VCAN: variants seen among roughly 807,000 people sequenced by gnomAD.
VCAN encodes versican core protein.
In VCAN, 44 loss-of-function variants were observed where a neutral mutation model predicts 245.5. The ratio of observed to expected loss-of-function variants is 0.18; its 90% confidence interval spans 0.14 to 0.23. The LOEUF (loss-of-function observed/expected upper bound fraction) is 0.23, where lower values mean the gene tolerates loss of function less well. Among genes scored for constraint, VCAN ranks in the 10% least tolerant of loss-of-function variants. VCAN has a pLI of 1.00. For missense variants in VCAN, 3,793 were observed against 4,057.9 expected, an observed-to-expected ratio of 0.93 and a Z score of 1.77; for synonymous variants, 1,413 against 1,437.0, an observed-to-expected ratio of 0.98 and a Z score of 0.38.
intron 7 of VCAN, among the ~76,000 whole-genome samples, chr5:83,525,506 G>T (rs771420911): frequency 6.6e-6 from 1 of 152,050 alleles, no homozygotes; most frequent in African/African-American, 2.4e-5. Flanking sequence ...TTAAATCAAA[G>T]AATAATTTAG....
intron 10 of VCAN, among the ~76,000 whole-genome samples, chr5:83,551,353 A>T (rs1438050812): frequency 6.6e-6 from 1 of 151,982 alleles, no homozygotes; most frequent in African/African-American, 2.4e-5. Flanking sequence ...TCCACCAAAA[A>T]ATACAAAAAT....
At chr5:83,522,333 G>A (rs750924956) in intron 7 of VCAN, 24 bp downstream of exon 7, 2 of 1,595,964 alleles carry the variant, frequency 1.3e-6, no homozygotes, top group South Asian at 2.2e-5. Flanking sequence ...TTCTAGACTA[G>A]CATTGAAGGC....
intron 10 of VCAN, among the ~76,000 whole-genome samples, chr5:83,551,001 A>G (rs1747442298): frequency 6.7e-6 from 1 of 149,486 alleles, no homozygotes; most frequent in African/African-American, 2.5e-5. Context: ...AGTCATTGGG[A>G]AGCTATGATT....
In VCAN at chr5:83,506,074, C is replaced by T. The variant is rs192388375; in HGVS notation, c.749-6029C>T. Among the ~76,000 whole-genome samples, 562 of 152,314 alleles carry T rather than the reference C, an allele frequency of 3.7e-3. 3 individuals carry two copies. The highest frequency in any genetic ancestry group is 0.013 in the African/African-American group (540 of 41,582). On this transcript the variant is annotated intron_variant, in intron 5 of 14. Coordinates refer to ENST00000265077, the MANE Select transcript of VCAN (RefSeq NM_004385.5). Reference sequence around the variant, plus strand: ...CATGAAACCACTTTTTCCTCCTGGGCCTCCAGGCCTATGATGGGAGTGGCT... The same window carrying T: ...CATGAAACCACTTTTTCCTCCTGGGTCTCCAGGCCTATGATGGGAGTGGCT...
intron 13 of VCAN, among the ~76,000 whole-genome samples, chr5:83,574,768 T>C (rs1748412760): frequency 1.3e-5 from 2 of 152,182 alleles, no homozygotes; most frequent in South Asian, 4.1e-4. Flanking sequence ...ACAAATGCCA[T>C]CCTTATATCT....
Position 83,521,535 on chromosome 5 carries a change from G to A in VCAN, c.3229G>A (p.Glu1077Lys), listed in dbSNP as rs1746100137. The A allele has an allele frequency of 1.9e-6, 3 of 1,613,924 alleles. No homozygotes were observed. The highest frequency in any genetic ancestry group is 2.7e-5 in the African/African-American group (2 of 74,946). Reference protein sequence around the residue: ...EGDGSAYTVSEDELLTGSERV... With the variant: ...EGDGSAYTVSKDELLTGSERV... ...CGATGGATCAGCATATACAGTCTCT[G>A]AAGATGAATTGTTGACAGGTTCTGA... The change falls in exon 7 of 15, where the codon GAA (glutamate) becomes AAA (lysine). Residue 1077 changes from glutamate (E) to lysine (K), a missense_variant. Glu to Lys is a moderately conservative substitution (Grantham distance 56). This residue lies in a region of VCAN where 3,182 missense variants were observed against 3,250.3 expected (regional missense o/e 0.98). Coordinates refer to ENST00000265077, the MANE Select transcript of VCAN (RefSeq NM_004385.5).
rs539864972 is a variant in VCAN, at chr5:83,500,338, C to CTTGGA, written c.748+6407_748+6408insTTGGA. ...TATATAGACTTTGGAGATTAACACA[C>CTTGGA]CTTGCTTGGAGTTGCTTCTGTGTAC... On this transcript the variant is annotated intron_variant, in intron 5 of 14. Transcript: ENST00000265077. 1.5e-4 allele frequency among the ~76,000 whole-genome samples: 23 copies of CTTGGA among 152,256 alleles called. No homozygotes were observed. The South Asian group carries it at 4.8e-3, about 32-fold the overall frequency.
chr5:83,562,024 T>C (rs1392401247), intron 12 of VCAN: 1 of 152,172 alleles, frequency 6.6e-6, no homozygotes, highest in Non-Finnish European at 1.5e-5. Context: ...AGTTTTCCTT[T>C]TCCTACCTGA....
At chr5:83,487,254 T>C (rs1042350936) in intron 2 of VCAN, among the ~76,000 whole-genome samples, 1 of 152,078 alleles carries the variant, frequency 6.6e-6, no homozygotes, top group African/African-American at 2.4e-5. Flanking sequence ...CCAAGGTCTG[T>C]GTGTGTGTGT....
intron 13 of VCAN, among the ~76,000 whole-genome samples, chr5:83,576,073 G>GT (rs1159563357): frequency 6.6e-6 from 1 of 151,848 alleles, no homozygotes; most frequent in Non-Finnish European, 1.5e-5. Flanking sequence ...TTACATACTT[G>GT]TAACGATTTA....
At chr5:83,499,251 G>T (rs376295351) in intron 5 of VCAN, among the ~76,000 whole-genome samples, 1 of 151,950 alleles carries the variant, frequency 6.6e-6, no homozygotes, top group African/African-American at 2.4e-5. Flanking sequence ...TGGTTTCTTT[G>T]TGTTCATAAA....
At chr5:83,529,154 A>G (rs1746422852) in intron 7 of VCAN, among the ~76,000 whole-genome samples, 1 of 152,070 alleles carries the variant, frequency 6.6e-6, no homozygotes, top group African/African-American at 2.4e-5. Context: ...TCTGGTTAAT[A>G]TTCTGAACCA....
intron 2 of VCAN, among the ~76,000 whole-genome samples, chr5:83,485,063 G>C (rs1744748455): frequency 6.6e-6 from 1 of 152,102 alleles, no homozygotes; most frequent in Non-Finnish European, 1.5e-5. Context: ...CTATGATCCA[G>C]GAACTGTTTT....
chr5:83,495,561 G>A (rs1267337745), intron 5 of VCAN, among the ~76,000 whole-genome samples: 1 of 152,190 alleles, frequency 6.6e-6, no homozygotes, highest in Non-Finnish European at 1.5e-5. Context: ...AAAAATAGAA[G>A]AGGAGATGGT....
intron 2 of VCAN, among the ~76,000 whole-genome samples, chr5:83,485,925 C>A (rs1013848059): frequency 6.6e-6 from 1 of 152,084 alleles, no homozygotes; most frequent in African/African-American, 2.4e-5. Context: ...CACAGTGAGA[C>A]CCTATCTCTA....
intron 9 of VCAN, 103 bp from the exon 10 acceptor site, chr5:83,547,868 A>G: frequency 3.6e-6 from 3 of 841,360 alleles, no homozygotes; most frequent in Non-Finnish European, 6.0e-6. Flanking sequence ...CTGAAATTCA[A>G]ATTTAACTGG....
intron 5 of VCAN, among the ~76,000 whole-genome samples, chr5:83,504,508 A>T (rs1434833766): frequency 5.3e-5 from 8 of 150,784 alleles, no homozygotes; most frequent in Non-Finnish European, 8.8e-5. Flanking sequence ...TCAGATCCCC[A>T]GTAGCTGGGA....
intron 12 of VCAN, among the ~76,000 whole-genome samples, chr5:83,556,501 G>A (rs890625872): frequency 6.6e-6 from 1 of 152,216 alleles, no homozygotes; most frequent in Admixed American, 6.5e-5. Context: ...CAAGATGTGA[G>A]AAAAATAGGG....
chr5:83,542,267 A>G lies in VCAN; in HGVS notation c.9264A>G (p.Pro3088=). Residue 3088 remains proline (P), a splice_region_variant and synonymous_variant, in exon 8 of 15, where the codon CCA becomes CCG. Coordinates refer to ENST00000265077, the MANE Select transcript of VCAN (RefSeq NM_004385.5). The stretch of plus-strand genomic sequence containing the variant: ...TGGAAGGCACGGCAATCTATTTACC[A>G]GGTAAGATCACAACATTGATAAATC... ...ESVEGTAIYL[P]GPDRCKMNPC... is the part of the protein sequence containing the mutation. The G allele has an allele frequency of 6.2e-7, 1 of 1,611,918 alleles. No homozygotes were observed. Among genetic ancestry groups the G allele is most frequent in the Admixed American group, 1.7e-5 (1 of 59,992 alleles).
Sources: allele counts gnomAD v4.1 joint callset (sites outside exome capture counted in the v4.1 genomes callset), GRCh38; gene constraint gnomAD v4.1.1; regional missense constraint gnomAD v4.1.1; transcripts MANE v1.5; gene names NCBI Gene and HGNC (gene_info 2026-07-23, HGNC 2026-07-21).